HTR1F: variants seen among roughly 807,000 people sequenced by gnomAD.
The protein encoded by HTR1F is 5-hydroxytryptamine (serotonin) receptor 1F, G protein-coupled.
Under a neutral mutation model 24.0 loss-of-function variants are expected in HTR1F, and 17 were observed. The observed-to-expected ratio is 0.71, with a 90% CI of 0.48 to 1.06. The LOEUF (loss-of-function observed/expected upper bound fraction) is 1.06, where lower values mean the gene tolerates loss of function less well. HTR1F is among the 50% of genes least tolerant of loss of function. The pLI is 0.00. For synonymous variants in HTR1F, 186 were observed against 156.8 expected, an observed-to-expected ratio of 1.19 and a Z score of -1.39; for missense variants, 391 against 427.8, an observed-to-expected ratio of 0.91 and a Z score of 0.76.
chr3:87,849,649 A>G (rs200490287), intron 2 of HTR1F, among the ~76,000 whole-genome samples: 18,149 of 151,878 alleles, frequency 0.12, 1,513 homozygotes, highest in African/African-American at 0.21. Context: ...AGCAAAAGAA[A>G]CCACCATCAG....
At chr3:87,974,370 C>T (rs932182322) in intron 2 of HTR1F, among the ~76,000 whole-genome samples, 1 of 152,136 alleles carries the variant, frequency 6.6e-6, no homozygotes, top group African/African-American at 2.4e-5. Flanking sequence ...AACAATTTTT[C>T]CATAGTTGTT....
intron 2 of HTR1F, among the ~76,000 whole-genome samples, chr3:87,970,983 C>T (rs1559652877): frequency 6.6e-6 from 1 of 152,154 alleles, no homozygotes; most frequent in Non-Finnish European, 1.5e-5. Context: ...AGCAACTCTG[C>T]CAAATGTTCC....
intron 1 of HTR1F, among the ~76,000 whole-genome samples, chr3:87,817,253 G>A (rs140109403): frequency 6.6e-6 from 1 of 152,192 alleles, no homozygotes; most frequent in Non-Finnish European, 1.5e-5. Context: ...TACTCCGTTT[G>A]GCAATGCATT....
chr3:87,865,950 A>G (rs1366558571), intron 2 of HTR1F, among the ~76,000 whole-genome samples: 1 of 152,148 alleles, frequency 6.6e-6, no homozygotes, highest in Non-Finnish European at 1.5e-5. Context: ...GTTGATATCA[A>G]TCACCAGCAA....
chr3:87,821,156 A>G (rs1704352750), intron 1 of HTR1F, among the ~76,000 whole-genome samples: 1 of 151,872 alleles, frequency 6.6e-6, no homozygotes, highest in African/African-American at 2.4e-5. Flanking sequence ...GATTGTTCAA[A>G]TTAAATTAAA....
chr3:87,843,089 T>C (rs1011242030), intron 2 of HTR1F, among the ~76,000 whole-genome samples: 2 of 151,916 alleles, frequency 1.3e-5, no homozygotes, highest in Admixed American at 6.6e-5. Flanking sequence ...TGAGGTTTTA[T>C]CTGTACCTCT....
chr3:87,862,852 T>C (rs1324333491), intron 2 of HTR1F, among the ~76,000 whole-genome samples: 4 of 152,170 alleles, frequency 2.6e-5, no homozygotes, highest in Non-Finnish European at 4.4e-5. Flanking sequence ...TCACTCACTC[T>C]GTCACCCAGG....
rs1448101324 is a variant in HTR1F at position 87,945,907 on chromosome 3, C to T, written c.-42-44801C>T. 2.0e-5 allele frequency among the ~76,000 whole-genome samples: 3 copies of T among 152,094 alleles called. No homozygotes were observed. In the East Asian group the frequency reaches 5.8e-4, roughly 29 times the overall value. ...CTCCCAAGATGGTGGCGGGCTGCTT[C>T]CAAAATGGCGGTGGGCCACTTCCAA... On this transcript the variant is annotated intron_variant, in intron 2 of 2. Transcript: ENST00000319595.
At chr3:87,967,546 A>AC (rs1336409220) in intron 2 of HTR1F, among the ~76,000 whole-genome samples, 3 of 149,944 alleles carry the variant, frequency 2.0e-5, no homozygotes, top group Non-Finnish European at 3.0e-5. Context: ...CATAATTCCC[A>AC]CGTGTCATTA....
chr3:87,931,597 A>G (rs1213054070), intron 2 of HTR1F, among the ~76,000 whole-genome samples: 5 of 152,130 alleles, frequency 3.3e-5, no homozygotes, highest in South Asian at 2.1e-4. Flanking sequence ...TGGTATATCT[A>G]GTTCTAGATC....
chr3:87,833,286 T>C (rs1200726068), intron 2 of HTR1F, among the ~76,000 whole-genome samples: 1 of 152,160 alleles, frequency 6.6e-6, no homozygotes, highest in Non-Finnish European at 1.5e-5. Flanking sequence ...ACTAGGGAAA[T>C]ATAAAAATTA....
At chr3:87,918,393 T>A (rs1439400076) in intron 2 of HTR1F, among the ~76,000 whole-genome samples, 1 of 151,888 alleles carries the variant, frequency 6.6e-6, no homozygotes, top group Non-Finnish European at 1.5e-5. Context: ...GAGAAAGGAA[T>A]AAAGAAAGGG....
chr3:87,926,936 G>C (rs1432019767), intron 2 of HTR1F, among the ~76,000 whole-genome samples: 1 of 151,598 alleles, frequency 6.6e-6, no homozygotes, highest in Non-Finnish European at 1.5e-5. Context: ...TAGTTAAAAT[G>C]GCCCAGAATT....
At chr3:87,894,852 A>G (rs972208239) in intron 2 of HTR1F, among the ~76,000 whole-genome samples, 11 of 152,266 alleles carry the variant, frequency 7.2e-5, no homozygotes, top group South Asian at 6.2e-4. Context: ...CTAGCAAATA[A>G]GAATGGCTAC....
At chr3:87,929,800 T>C (rs55968109) in intron 2 of HTR1F, among the ~76,000 whole-genome samples, 17,102 of 152,242 alleles carry the variant, frequency 0.11, 1,193 homozygotes, top group Non-Finnish European at 0.16. Flanking sequence ...TTGGGCTCCA[T>C]ATGAATTTTA....
intron 2 of HTR1F, among the ~76,000 whole-genome samples, chr3:87,977,545 C>T (rs868287060): frequency 1.2e-3 from 189 of 151,570 alleles, no homozygotes; most frequent in African/African-American, 4.2e-3. Context: ...ACTACAGGCA[C>T]CCGCCAGCAC....
chr3:87,920,823 T>C (rs1190623139), intron 2 of HTR1F, among the ~76,000 whole-genome samples: 1 of 151,932 alleles, frequency 6.6e-6, no homozygotes, highest in African/African-American at 2.4e-5. Flanking sequence ...CAAACCCACA[T>C]GATGTGAGTA....
intron 2 of HTR1F, among the ~76,000 whole-genome samples, chr3:87,922,051 G>A (rs1216583593): frequency 6.6e-6 from 1 of 151,942 alleles, no homozygotes; most frequent in African/African-American, 2.4e-5. Flanking sequence ...CCAGTAGTGG[G>A]ATTGCTGGAT....
At chr3:87,844,262 G>T (rs1420966416) in intron 2 of HTR1F, among the ~76,000 whole-genome samples, 1 of 151,400 alleles carries the variant, frequency 6.6e-6, no homozygotes, top group Non-Finnish European at 1.5e-5. Context: ...TTTGATTTGC[G>T]TTTCTCTGAT....
Sources: allele counts gnomAD v4.1 joint callset (sites outside exome capture counted in the v4.1 genomes callset), GRCh38; gene constraint gnomAD v4.1.1; transcripts MANE v1.5; gene names NCBI Gene and HGNC (gene_info 2026-07-23, HGNC 2026-07-21).